The following CCDC24 variants were observed in gnomAD, a reference collection of about 807,000 sequenced individuals.
CCDC24 encodes coiled-coil domain containing 24, also known as coiled-coil domain-containing protein 24.
In CCDC24, 34 loss-of-function variants were observed where a neutral mutation model predicts 31.6. That is an observed-to-expected ratio of 1.08 (90% confidence interval 0.82 to 1.43). The LOEUF (loss-of-function observed/expected upper bound fraction) is 1.43. Among genes scored for constraint, CCDC24 ranks in the 40% most tolerant of loss-of-function variants. The pLI, the probability that CCDC24 is intolerant of heterozygous loss-of-function variation, is 0.00. For synonymous variants in CCDC24, 175 were observed against 157.3 expected (o/e 1.11, Z -0.84); for missense variants, 426 against 391.1 (o/e 1.09, Z -0.75).
intron 4 of CCDC24, 183 bp from the exon 5 acceptor site, chr1:43,993,704 C>A: frequency 1.8e-6 from 1 of 553,204 alleles, no homozygotes; most frequent in Non-Finnish European, 3.3e-6. Context: ...AGTGATTTGC[C>A]TGAAGTCACA....
Position 43,995,964 on chromosome 1 carries a change from A to C in CCDC24, c.728A>C (p.Gln243Pro). 6.2e-7 allele frequency: 1 copy of C among 1,614,116 alleles called. No individual in the cohort carries two copies. The highest frequency in any genetic ancestry group is 1.1e-5 in the South Asian group (1 of 91,078). The change falls in exon 9 of 9, where the codon CAG becomes CCG. Residue 243 changes from glutamine (Q) to proline (P), a missense_variant. Physicochemically the swap from Gln to Pro is moderately conservative, Grantham distance 76. Transcript: ENST00000372318. The surrounding 1 kb of genome is among the most constrained non-coding windows in gnomAD (Gnocchi z 4.3). The stretch of plus-strand genomic sequence containing the variant: ...CAGCGGCCCTTGGGGTCCTCCACAC[A>C]GGGCCTCAGACCCCCGCTTCCCCTC... ...HRQRPLGSST[Q>P]GLRPPLPLCG...
At chr1:43,994,776 G>T (rs1250848035) in intron 5 of CCDC24, 8 of 394,782 alleles carry the variant, frequency 2.0e-5, no homozygotes, top group Non-Finnish European at 2.8e-5. Context: ...TGACACAGGG[G>T]TAGCCTGTGT....
At position 43,995,169 on chromosome 1, in the gene CCDC24, C is replaced by T. The variant is rs376130150; in HGVS notation, c.552+7C>T. The stretch of plus-strand genomic sequence containing the variant: ...GGAGATCCTCATCCTGCAGGTGAGC[C>T]GCAGCCCTGGGCCCTCCCCCGAGCC... On this transcript the variant is annotated splice_region_variant and intron_variant, in intron 6 of 8. Coordinates refer to ENST00000372318, the MANE Select transcript of CCDC24 (RefSeq NM_152499.4). This position sits in a 1 kb window ranked among gnomAD's most constrained non-coding sequence, Gnocchi z 4.3. The T allele has an allele frequency of 6.1e-5, 95 of 1,563,924 alleles. No individual in the cohort carries two copies. Among genetic ancestry groups the T allele is most frequent in the East Asian group, 1.2e-4 (5 of 42,048 alleles).
At chr1:43,994,733 G>A (rs561640746) in intron 5 of CCDC24, 112 of 237,130 alleles carry the variant, frequency 4.7e-4, no homozygotes, top group Non-Finnish European at 6.3e-4. Context: ...GAGCCACCTC[G>A]CCTGGCCGAC....
Position 43,993,938 on chromosome 1 carries a change from C to T in CCDC24, c.471C>T (p.Asn157=). ...TCAAGGACCAACTGAACGTGTCCAA[C>T]ATTGACCAGGTGGCCAGACACCTGA... ...SIIKDQLNVS[N]IDQVARHLRG... Residue 157 remains asparagine, a synonymous_variant, in exon 5 of 9, where the codon AAC becomes AAT. Coordinates refer to ENST00000372318, the MANE Select transcript of CCDC24 (RefSeq NM_152499.4). 6.2e-7 allele frequency: 1 copy of T among 1,614,200 alleles called. No homozygotes were observed. The highest frequency in any genetic ancestry group is 8.5e-7 in the Non-Finnish European group (1 of 1,180,036).
intron 2 of CCDC24, 85 bp from the exon 3 acceptor site, chr1:43,992,127 C>T (rs746002763): frequency 1.3e-6 from 2 of 1,517,500 alleles, no homozygotes; most frequent in South Asian, 1.3e-5. Context: ...TCCCCTTTGA[C>T]TCCGCCCTCT....
chr1:43,994,751 C>A, intron 5 of CCDC24: 1 of 285,366 alleles, frequency 3.5e-6, no homozygotes, highest in South Asian at 7.7e-5. Context: ...GACCCTGTTT[C>A]AAAAATAAAT....
chr1:43,994,835 G>A (rs1045074995), intron 5 of CCDC24: 12 of 516,874 alleles, frequency 2.3e-5, no homozygotes, highest in African/African-American at 2.1e-4. Context: ...GAAGATGGAG[G>A]CAAGAAGAAT....
At chr1:43,992,433 T>C (rs1222440087) in intron 3 of CCDC24, 46 bp downstream of exon 3, 6 of 1,613,050 alleles carry the variant, frequency 3.7e-6, no homozygotes, top group Non-Finnish European at 4.2e-6. Context: ...CCAGGTGGGC[T>C]AGCGCTGCCC....
rs554318903 is a variant in CCDC24, at chr1:43,995,189, C to T, written c.552+27C>T. The T allele has an allele frequency of 7.1e-5, 111 of 1,552,572 alleles. 1 individual carries two copies. Among genetic ancestry groups the T allele is most frequent in the Admixed American group, 4.4e-4 (23 of 51,818 alleles). On this transcript the variant is annotated intron_variant, in intron 6 of 8. Coordinates refer to ENST00000372318, the MANE Select transcript of CCDC24 (RefSeq NM_152499.4). The surrounding 1 kb of genome is among the most constrained non-coding windows in gnomAD (Gnocchi z 4.3). ...TGAGCCGCAGCCCTGGGCCCTCCCC[C>T]GAGCCTCACTGCTGAGCGTAGACTC...
chr1:43,994,920 A>C, intron 5 of CCDC24, 188 bp from the exon 6 acceptor site: 1 of 598,778 alleles, frequency 1.7e-6, no homozygotes, highest in Non-Finnish European at 3.0e-6. Flanking sequence ...CTTCCTGCCC[A>C]GAAAGAGCCT....
Position 43,995,281 on chromosome 1 carries a change from C to T in CCDC24, c.552+119C>T, listed in dbSNP as rs1453169317. The T allele has an allele frequency of 1.0e-5, 11 of 1,051,660 alleles. No homozygotes were observed. The highest frequency in any genetic ancestry group is 1.0e-4 in the Admixed American group (5 of 48,248). 65.1% of individuals were successfully genotyped at this position (1,051,660 alleles called of 1,614,324 possible). A position where few individuals can be genotyped will look rare whatever the true frequency, so the allele number is the denominator to read the frequency against. Reference sequence around the variant, plus strand: ...GCATGTACAGGCTATGTGAGTCCTGCATCCATTTCTCAGGGGTGCATGCTT... The same window carrying T: ...GCATGTACAGGCTATGTGAGTCCTGTATCCATTTCTCAGGGGTGCATGCTT... On this transcript the variant is annotated intron_variant, in intron 6 of 8. Coordinates refer to ENST00000372318, the MANE Select transcript of CCDC24 (RefSeq NM_152499.4). The surrounding 1 kb of genome is among the most constrained non-coding windows in gnomAD (Gnocchi z 4.3).
At chr1:43,992,876 A>G (rs2085771712) in intron 4 of CCDC24, among the ~76,000 whole-genome samples, 1 of 152,236 alleles carries the variant, frequency 6.6e-6, no homozygotes, top group Non-Finnish European at 1.5e-5. Context: ...GTGTTGTAGT[A>G]TGAGGAGCAG....
Position 43,995,621 on chromosome 1 carries a change from T to A in CCDC24, c.573T>A (p.Tyr191Ter). ...LILQRCLEEE[Y>*]LRPCHPSEAA... ...TGCAGCGCTGCCTGGAAGAGGAGTATTTGAGGCCTTGCCACCCCTCTGAGG... is the reference window on the plus strand; with the variant it reads ...TGCAGCGCTGCCTGGAAGAGGAGTAATTGAGGCCTTGCCACCCCTCTGAGG... Residue 191 changes from tyrosine to a stop codon, truncating the protein, a stop_gained, in exon 7 of 9, where the codon TAT becomes TAA. Transcript: ENST00000372318. LOFTEE classifies it high-confidence loss of function. This position sits in a 1 kb window ranked among gnomAD's most constrained non-coding sequence, Gnocchi z 4.3. 6.2e-7 allele frequency: 1 copy of A among 1,611,782 alleles called. No individual in the cohort carries two copies. Among genetic ancestry groups the A allele is most frequent in the South Asian group, 1.1e-5 (1 of 90,642 alleles).
chr1:43,991,805 C>A, intron 1 of CCDC24, 42 bp from the exon 2 acceptor site: 1 of 1,530,654 alleles, frequency 6.5e-7, no homozygotes, highest in African/African-American at 1.4e-5. Context: ...GCGTTGCCGG[C>A]GGGCCCGCGG....
Position 43,991,711 on chromosome 1 carries a change from G to A in CCDC24, c.-68G>A, listed in dbSNP as rs767378869. ...CCAAGGACTGGCAGTTCCGGAACGG[G>A]CAATCCCAGCCGAGGGGACCAGCGG... On this transcript the variant is annotated 5_prime_UTR_variant, in exon 1 of 9. Coordinates refer to ENST00000372318, the MANE Select transcript of CCDC24 (RefSeq NM_152499.4). 4.0e-5 allele frequency: 36 copies of A among 906,440 alleles called. No individual in the cohort carries two copies. The South Asian group carries it at 4.9e-4, about 12-fold the overall frequency. The allele number at this position is 906,440 out of a possible 1,614,324, so 56.1% of individuals were successfully genotyped here. A position where few individuals can be genotyped will look rare whatever the true frequency, so the allele number is the denominator to read the frequency against.
chr1:43,994,970 A>G, intron 5 of CCDC24, 138 bp from the exon 6 acceptor site: 1 of 713,974 alleles, frequency 1.4e-6, no homozygotes. Flanking sequence ...GCCCCCAAGC[A>G]GCAGAGGGCA....
In CCDC24 at chr1:43,995,634, C is replaced by T. The variant is rs755790274; in HGVS notation, c.586C>T (p.His196Tyr). The change falls in exon 7 of 9, where the codon CAC becomes TAC. Residue 196 changes from histidine (H) to tyrosine (Y), a missense_variant. By Grantham distance (83) the His-to-Tyr change is moderately conservative. Transcript: ENST00000372318. This position sits in a 1 kb window ranked among gnomAD's most constrained non-coding sequence, Gnocchi z 4.3. ...GGAAGAGGAGTATTTGAGGCCTTGCCACCCCTCTGAGGCAGCCCTGGAGCC... is the reference window on the plus strand; with the variant it reads ...GGAAGAGGAGTATTTGAGGCCTTGCTACCCCTCTGAGGCAGCCCTGGAGCC... ...CLEEEYLRPC[H>Y]PSEAALEPTL... 6 of 1,612,636 alleles carry T rather than the reference C, an allele frequency of 3.7e-6. No homozygotes were observed. The East Asian group carries it at 1.3e-4, about 36-fold the overall frequency.
At chr1:43,993,720 T>A in intron 4 of CCDC24, 167 bp from the exon 5 acceptor site, 1 of 567,084 alleles carries the variant, frequency 1.8e-6, no homozygotes, top group South Asian at 2.3e-5. Context: ...TCACACACAA[T>A]GAAGGGTGGC....
Sources: allele counts gnomAD v4.1 joint callset (sites outside exome capture counted in the v4.1 genomes callset), GRCh38; gene constraint gnomAD v4.1.1; non-coding constraint Gnocchi (gnomAD v3.1); transcripts MANE v1.5; gene names NCBI Gene and HGNC (gene_info 2026-07-23, HGNC 2026-07-21).